RYR2: variants seen among roughly 807,000 people sequenced by gnomAD.
RYR2 encodes cardiac muscle ryanodine receptor-calcium release channel.
RYR2 carries 227 observed loss-of-function variants against 601.1 expected under a neutral mutation model. The observed-to-expected ratio is 0.38, with a 90% CI of 0.34 to 0.42. The LOEUF (loss-of-function observed/expected upper bound fraction) is 0.42. RYR2 is among the 10% of genes least tolerant of loss of function. RYR2 has a pLI of 1.00. For missense variants in RYR2, 4,646 were observed against 6,156.5 expected (o/e 0.75, Z 8.21); for synonymous variants, 2,223 against 2,175.1 (o/e 1.02, Z -0.61).
Position 237,664,456 on chromosome 1 carries a change from G to A in RYR2, c.8437-2056G>A, listed in dbSNP as rs144402582. ...AGGTTCAATGGACTCACAGTTCCAC[G>A]TGGCTGCGGAGGCCTCACACTCATG... On this transcript the variant is annotated intron_variant, in intron 56 of 104. Coordinates refer to ENST00000366574, the MANE Select transcript of RYR2 (RefSeq NM_001035.3). Among the ~76,000 whole-genome samples, 35 of 152,292 alleles carry A rather than the reference G, an allele frequency of 2.3e-4. 1 individual carries two copies. The highest frequency in any genetic ancestry group is 7.2e-4 in the African/African-American group (30 of 41,550).
At chr1:237,541,776 G>A (rs1445376204) in intron 25 of RYR2, among the ~76,000 whole-genome samples, 2 of 152,106 alleles carry the variant, frequency 1.3e-5, no homozygotes, top group Admixed American at 6.5e-5. Flanking sequence ...AGGAGTGGGG[G>A]TCACAAGGTG....
intron 1 of RYR2, among the ~76,000 whole-genome samples, chr1:237,223,527 G>C (rs1020499301): frequency 5.9e-5 from 9 of 152,158 alleles, no homozygotes; most frequent in African/African-American, 2.2e-4. Flanking sequence ...TATTCCTGTA[G>C]TTGGTATTTT....
intron 23 of RYR2, among the ~76,000 whole-genome samples, chr1:237,507,631 T>G (rs1047357624): frequency 6.6e-6 from 1 of 152,250 alleles, no homozygotes; most frequent in Non-Finnish European, 1.5e-5. Context: ...TATATATTTA[T>G]TCAGTGTTTT....
At chr1:237,119,173 G>A (rs1670480619) in intron 1 of RYR2, among the ~76,000 whole-genome samples, 2 of 152,152 alleles carry the variant, frequency 1.3e-5, no homozygotes, top group South Asian at 4.1e-4. Flanking sequence ...CTTAGAAGAT[G>A]AGGAAGAGAC....
intron 12 of RYR2, among the ~76,000 whole-genome samples, chr1:237,437,080 T>C (rs1231417023): frequency 6.6e-6 from 1 of 151,950 alleles, no homozygotes; most frequent in Non-Finnish European, 1.5e-5. Context: ...ACTCTGGCTC[T>C]GTTGCCCAGG....
chr1:237,772,489 C>G (rs944165871), intron 86 of RYR2, among the ~76,000 whole-genome samples: 1 of 152,174 alleles, frequency 6.6e-6, no homozygotes, highest in Non-Finnish European at 1.5e-5. Context: ...CTACCATACA[C>G]TTAAATTTGA....
chr1:237,081,863 C>G (rs1038169492), intron 1 of RYR2, among the ~76,000 whole-genome samples: 1 of 152,136 alleles, frequency 6.6e-6, no homozygotes, highest in Admixed American at 6.5e-5. Context: ...TCAAACTCTT[C>G]TTTCTTTTAA....
intron 1 of RYR2, among the ~76,000 whole-genome samples, chr1:237,261,361 A>T (rs1688499516): frequency 6.6e-6 from 1 of 152,168 alleles, no homozygotes; most frequent in Non-Finnish European, 1.5e-5. Context: ...TCTTACACTG[A>T]CATCAAGGCT....
At chr1:237,779,688 T>C (rs1694945185) in intron 88 of RYR2, among the ~76,000 whole-genome samples, 1 of 152,144 alleles carries the variant, frequency 6.6e-6, no homozygotes. Flanking sequence ...CTAGTAAAAG[T>C]GGTAAGGATA....
At chr1:237,248,333 C>T (rs1437249580) in intron 1 of RYR2, among the ~76,000 whole-genome samples, 1 of 123,098 alleles carries the variant, frequency 8.1e-6, no homozygotes, top group Non-Finnish European at 1.6e-5. Flanking sequence ...AAAAAAAATC[C>T]ATTGGTTTCA....
chr1:237,536,746 C>T (rs1421201969), intron 25 of RYR2, among the ~76,000 whole-genome samples: 1 of 127,874 alleles, frequency 7.8e-6, no homozygotes, highest in Admixed American at 8.6e-5. Flanking sequence ...ATTAGCCGGG[C>T]ATGGTGGCAG....
chr1:237,250,830 A>G (rs1391918453), intron 1 of RYR2, among the ~76,000 whole-genome samples: 2 of 152,146 alleles, frequency 1.3e-5, no homozygotes, highest in Admixed American at 1.3e-4. Flanking sequence ...ACATGTGATC[A>G]TATCTTCTTA....
intron 80 of RYR2, among the ~76,000 whole-genome samples, chr1:237,754,718 G>A (rs369916949): frequency 1.9e-3 from 296 of 152,318 alleles, no homozygotes; most frequent in African/African-American, 6.7e-3. Flanking sequence ...GGGTCTAAAA[G>A]GAAGAATCAG....
chr1:237,772,336 T>G (rs1200112752), intron 86 of RYR2, among the ~76,000 whole-genome samples: 1 of 152,210 alleles, frequency 6.6e-6, no homozygotes, highest in African/African-American at 2.4e-5. Context: ...TTTCGCCTGT[T>G]TTTTTAGCTT....
chr1:237,782,140 T>C (rs1490433061), intron 89 of RYR2, among the ~76,000 whole-genome samples: 5 of 151,564 alleles, frequency 3.3e-5, no homozygotes, highest in South Asian at 4.2e-4. Context: ...CAGTTTTAAT[T>C]TTCTCTTTTT....
chr1:237,315,669 G>A (rs1695036131), intron 2 of RYR2, among the ~76,000 whole-genome samples: 1 of 152,100 alleles, frequency 6.6e-6, no homozygotes, highest in Non-Finnish European at 1.5e-5. Context: ...AAGTCAGGTG[G>A]AAAATATGTT....
intron 49 of RYR2, among the ~76,000 whole-genome samples, chr1:237,648,886 G>A (rs956852364): frequency 6.6e-6 from 1 of 152,138 alleles, no homozygotes; most frequent in African/African-American, 2.4e-5. Context: ...TTCAATAAGA[G>A]GTTCACATAA....
At chr1:237,469,402 T>A (rs1230484804) in intron 17 of RYR2, among the ~76,000 whole-genome samples, 1 of 151,954 alleles carries the variant, frequency 6.6e-6, no homozygotes, top group Admixed American at 6.6e-5. Context: ...CACTCCAACA[T>A]GGACAATATA....
intron 1 of RYR2, among the ~76,000 whole-genome samples, chr1:237,262,919 CTA>C (rs996107917): frequency 1.3e-5 from 2 of 151,312 alleles, no homozygotes; most frequent in Non-Finnish European, 2.9e-5. Context: ...TTTTTAATGA[CTA>C]GAGTTATTAA....
Sources: gnomAD v4.1 joint callset for allele counts (sites outside exome capture counted in the v4.1 genomes callset) on GRCh38, gnomAD v4.1.1 for gene constraint, MANE v1.5 for transcripts, NCBI Gene and HGNC (gene_info 2026-07-23, HGNC 2026-07-21) for gene names.